Variants in FOXP2 observed in about 807,000 individuals in gnomAD.
The protein encoded by FOXP2 is forkhead box P2.
FOXP2 carries 12 observed loss-of-function variants against 115.8 expected under a neutral mutation model. The ratio of observed to expected loss-of-function variants is 0.10; its 90% confidence interval spans 0.07 to 0.17. FOXP2 has a LOEUF of 0.17. Among genes scored for constraint, FOXP2 ranks in the 10% least tolerant of loss-of-function variants. The pLI is 1.00. For missense variants in FOXP2, 629 were observed against 843.5 expected, an observed-to-expected ratio of 0.75 and a Z score of 3.15; for synonymous variants, 328 against 297.7, an observed-to-expected ratio of 1.10 and a Z score of -1.05.
In FOXP2 at chr7:114,510,891, A is replaced by G. The variant is rs556460691; in HGVS notation, c.169-23726A>G. Among the ~76,000 whole-genome samples, 346 of 152,318 alleles carry G rather than the reference A, an allele frequency of 2.3e-3. 1 individual carries two copies. The highest frequency in any genetic ancestry group is 6.8e-3 in the Middle Eastern group (2 of 294). On this transcript the variant is annotated intron_variant, in intron 2 of 16. Coordinates refer to ENST00000350908, the MANE Select transcript of FOXP2 (RefSeq NM_014491.4). ...AAAGGATTATAAACATTCTACTATA[A>G]AGACACATGCACACGTATGTTTATT... is the stretch of plus-strand genomic sequence containing the variant.
rs969155823 is a variant in FOXP2, at chr7:114,225,586, G to C, written c.-101-62433G>C. 2.6e-5 allele frequency among the ~76,000 whole-genome samples: 4 copies of C among 151,784 alleles called. No individual in the cohort carries two copies. The South Asian group carries it at 8.3e-4, about 32-fold the overall frequency. On this transcript the variant is annotated intron_variant, in intron 1 of 17. Transcript: ENST00000634411. ...CAGTCTCCCAAGCAACTGGGACTAC[G>C]GGTGCATGCCACCATGCCAGGCTAA...
intron 1 of FOXP2, among the ~76,000 whole-genome samples, chr7:114,095,952 C>T (rs915387312): frequency 8.5e-5 from 13 of 152,178 alleles, no homozygotes; most frequent in African/African-American, 2.4e-4. Context: ...TTATACAGTG[C>T]ACCACATAAG....
chr7:114,266,308 T>A (rs1799249), intron 1 of FOXP2, among the ~76,000 whole-genome samples: 3,764 of 152,244 alleles, frequency 0.025, 110 homozygotes, highest in East Asian at 0.1. Context: ...ATGTTCTCTG[T>A]TAGGGCAGGT....
At chr7:114,379,508 G>GT (rs1792227744) in intron 2 of FOXP2, among the ~76,000 whole-genome samples, 1 of 152,054 alleles carries the variant, frequency 6.6e-6, no homozygotes, top group South Asian at 2.1e-4. Context: ...CATAGTAGGG[G>GT]TTGTGCAGTT....
chr7:114,649,249 T>G (rs937580828), intron 8 of FOXP2, among the ~76,000 whole-genome samples: 1 of 152,098 alleles, frequency 6.6e-6, no homozygotes, highest in East Asian at 1.9e-4. Context: ...ACAACCCCAC[T>G]TGGTCCTTTT....
chr7:114,305,582 A>G (rs988759609), intron 2 of FOXP2, among the ~76,000 whole-genome samples: 1 of 152,140 alleles, frequency 6.6e-6, no homozygotes, highest in African/African-American at 2.4e-5. Flanking sequence ...TTATAAAACC[A>G]TTATTTTATA....
At chr7:114,568,943 C>T (rs1256305588) in intron 3 of FOXP2, among the ~76,000 whole-genome samples, 1 of 151,810 alleles carries the variant, frequency 6.6e-6, no homozygotes, top group Admixed American at 6.6e-5. Flanking sequence ...GCTGGAGACA[C>T]AAATTATGAT....
chr7:114,673,191 T>G (rs1180916241), intron 16 of FOXP2, among the ~76,000 whole-genome samples: 1 of 152,310 alleles, frequency 6.6e-6, no homozygotes, highest in East Asian at 1.9e-4. Flanking sequence ...TTAGACTTGA[T>G]TTGTCTGGCC....
chr7:114,310,149 A>G (rs997348085), intron 2 of FOXP2, among the ~76,000 whole-genome samples: 24 of 152,210 alleles, frequency 1.6e-4, no homozygotes, highest in African/African-American at 5.8e-4. Context: ...AGGAAACATC[A>G]TGAAGTTTCA....
intron 2 of FOXP2, chr7:114,297,059 T>C (rs965767026): frequency 5.1e-6 from 2 of 392,790 alleles, no homozygotes; most frequent in Admixed American, 3.5e-5. Flanking sequence ...TATGCATTTT[T>C]TTTTTTCCTG....
At chr7:114,445,759 T>C (rs980716934) in intron 2 of FOXP2, among the ~76,000 whole-genome samples, 2 of 152,136 alleles carry the variant, frequency 1.3e-5, no homozygotes, top group African/African-American at 2.4e-5. Flanking sequence ...TATTTAATAG[T>C]ATAATCCTAT....
At chr7:114,209,759 T>C (rs982800018) in intron 1 of FOXP2, among the ~76,000 whole-genome samples, 5 of 152,184 alleles carry the variant, frequency 3.3e-5, no homozygotes, top group Non-Finnish European at 7.3e-5. Flanking sequence ...TTTGTTTCAT[T>C]CTCCCTGTCT....
At chr7:114,172,905 G>C (rs1455653295) in intron 1 of FOXP2, among the ~76,000 whole-genome samples, 1 of 152,040 alleles carries the variant, frequency 6.6e-6, no homozygotes, top group Admixed American at 6.6e-5. Flanking sequence ...ATGTTACAAA[G>C]CAGTGTATTT....
chr7:114,310,741 CTT>C (rs1797129332), intron 2 of FOXP2, among the ~76,000 whole-genome samples: 1 of 152,006 alleles, frequency 6.6e-6, no homozygotes, highest in South Asian at 2.1e-4. Flanking sequence ...TTACACATCT[CTT>C]TATCGCCTGT....
chr7:114,334,017 GA>G (rs1797778806), intron 2 of FOXP2, among the ~76,000 whole-genome samples: 3 of 152,076 alleles, frequency 2.0e-5, no homozygotes, highest in African/African-American at 7.2e-5. Flanking sequence ...TATCACAAAG[GA>G]AATGCAAACT....
chr7:114,397,903 G>A (rs6942634), intron 2 of FOXP2, among the ~76,000 whole-genome samples: 72,339 of 152,026 alleles, frequency 0.48, 19,743 homozygotes, highest in East Asian at 0.95. Flanking sequence ...GTGATCCATT[G>A]GAAGATTTGG....
At chr7:114,235,403 T>TA (rs920080575) in intron 1 of FOXP2, among the ~76,000 whole-genome samples, 2 of 151,830 alleles carry the variant, frequency 1.3e-5, no homozygotes, top group East Asian at 1.9e-4. Context: ...TTTTATCACT[T>TA]AAAAAAAAGG....
At chr7:114,177,106 T>A (rs1452246376) in intron 1 of FOXP2, among the ~76,000 whole-genome samples, 1 of 152,136 alleles carries the variant, frequency 6.6e-6, no homozygotes, top group African/African-American at 2.4e-5. Flanking sequence ...GGGGGCATTT[T>A]GGTTGTTTGT....
rs1270982590 is a variant in FOXP2, at chr7:114,224,639, A to G, written c.-102+61551A>G. Among the ~76,000 whole-genome samples the G allele has an allele frequency of 2.0e-5, 3 of 152,158 alleles. No homozygotes were observed. In the East Asian group the frequency reaches 5.8e-4, roughly 29 times the overall value. On this transcript the variant is annotated intron_variant, in intron 1 of 17. Coordinates refer to the FOXP2 transcript ENST00000634411. ...AGCTGACAGATTTCTTCACTGTTGAAAGAAAGAAAGCAAAGCAATCATAGT... is the reference window on the plus strand; with the variant it reads ...AGCTGACAGATTTCTTCACTGTTGAGAGAAAGAAAGCAAAGCAATCATAGT...
Sources: allele counts gnomAD v4.1 joint callset (sites outside exome capture counted in the v4.1 genomes callset), GRCh38; gene constraint gnomAD v4.1.1; transcripts MANE v1.5; gene names NCBI Gene and HGNC (gene_info 2026-07-23, HGNC 2026-07-21).